Variants in LAMA1 observed in about 807,000 individuals in gnomAD.
LAMA1 encodes the protein laminin subunit alpha 1.
LAMA1 carries 219 observed loss-of-function variants against 348.7 expected under a neutral mutation model. That is an observed-to-expected ratio of 0.63 (90% CI 0.56 to 0.70). The LOEUF is 0.70. LAMA1 is among the 30% of genes least tolerant of loss of function. The pLI is 0.00. For missense variants in LAMA1, 3,744 were observed against 3,888.0 expected (o/e 0.96, Z 0.99); for synonymous variants, 1,487 against 1,491.0 (o/e 1.00, Z 0.06).
chr18:7,109,123 T>C (rs559347127), intron 1 of LAMA1, among the ~76,000 whole-genome samples: 1 of 152,272 alleles, frequency 6.6e-6, no homozygotes, highest in Non-Finnish European at 1.5e-5. Context: ...TGCAATCCAT[T>C]TGATTGGATG....
At chr18:7,073,760 G>A (rs2058155390) in intron 3 of LAMA1, among the ~76,000 whole-genome samples, 1 of 151,958 alleles carries the variant, frequency 6.6e-6, no homozygotes, top group Non-Finnish European at 1.5e-5. Flanking sequence ...ATTCTTTACG[G>A]CATTCCCTAG....
intron 11 of LAMA1, chr18:7,038,429 C>A: frequency 2.8e-6 from 1 of 357,016 alleles, no homozygotes; most frequent in Non-Finnish European, 5.4e-6. Flanking sequence ...GCCTCCTACT[C>A]CTTAGCGTCT....
In LAMA1 at chr18:6,986,167, GAGC is replaced by G. The variant is rs778085339; in HGVS notation, c.5346_5348del (p.Leu1783del). 1.2e-6 allele frequency: 2 copies of G among 1,614,230 alleles called. No homozygotes were observed. Among genetic ancestry groups the G allele is most frequent in the South Asian group, 1.1e-5 (1 of 91,080 alleles). ...ATTCTCTCAGATTAGCATTGACCAT[GAGC>G]AGCAGGTGGTTGCTTTCCTGCATCT... is the stretch of plus-strand genomic sequence containing the variant. On this transcript the variant is annotated inframe_deletion, in exon 37 of 63. Transcript: ENST00000389658.
At chr18:7,110,386 C>A (rs536722840) in intron 1 of LAMA1, among the ~76,000 whole-genome samples, 1 of 152,132 alleles carries the variant, frequency 6.6e-6, no homozygotes, top group East Asian at 1.9e-4. Flanking sequence ...CCTAGGTAAC[C>A]AAAAGAATGC....
Position 6,992,485 on chromosome 18 carries a change from C to A in LAMA1, c.5168+76G>T, listed in dbSNP as rs2057763007. The A allele has an allele frequency of 4.6e-6, 7 of 1,513,500 alleles. No individual in the cohort carries two copies. The African/African-American group carries it at 9.6e-5, about 21-fold the overall frequency. 93.8% of individuals were successfully genotyped at this position (1,513,500 alleles called of 1,614,324 possible). On this transcript the variant is annotated intron_variant, in intron 36 of 62. Coordinates refer to ENST00000389658, the MANE Select transcript of LAMA1 (RefSeq NM_005559.4). ...AGTGAGCACTTTTCTTCCACGATGC[C>A]TCCTTCTCCTTTGGAGATAGCGTGC...
intron 61 of LAMA1, 49 bp from the exon 62 acceptor site, chr18:6,943,451 C>A: frequency 7.0e-7 from 1 of 1,435,428 alleles, no homozygotes; most frequent in South Asian, 1.1e-5. Flanking sequence ...GGAACACAGT[C>A]CATTTGTATA....
rs2057679815 is a variant in LAMA1, at chr18:6,975,943, G to A, written c.6483C>T (p.Ser2161=). Residue 2161 remains serine, a synonymous_variant, in exon 45 of 63, where the codon AGC becomes AGT. Coordinates refer to ENST00000389658, the MANE Select transcript of LAMA1 (RefSeq NM_005559.4). ...PDNLLFYLGS[S]TASDFLAVEM... ...CCAAAGGTCCATAACTTACAGCGGT[G>A]CTGCTACCGAGGTAGAAGAGAAGAT... 3 of 1,614,062 alleles carry A rather than the reference G, an allele frequency of 1.9e-6. No individual in the cohort carries two copies. The East Asian group carries it at 6.7e-5, about 36-fold the overall frequency.
In LAMA1 at chr18:7,097,148, C is replaced by T. The variant is rs183900256; in HGVS notation, c.62-16691G>A. ...TTAGTCCCAGTAGGGTGCATGCAAC[C>T]GATAGCTGGACCAGCCAAAATTGTA... On this transcript the variant is annotated intron_variant, in intron 1 of 62. Coordinates refer to ENST00000389658, the MANE Select transcript of LAMA1 (RefSeq NM_005559.4). Among the ~76,000 whole-genome samples the T allele has an allele frequency of 8.6e-4, 131 of 152,102 alleles. 1 individual carries two copies. The highest frequency in any genetic ancestry group is 3.1e-3 in the African/African-American group (127 of 41,484).
chr18:7,102,643 C>T (rs78886392), intron 1 of LAMA1, among the ~76,000 whole-genome samples: 1 of 152,044 alleles, frequency 6.6e-6, no homozygotes, highest in East Asian at 1.9e-4. Flanking sequence ...AAACAGAAAC[C>T]GCTCCCAAAT....
In LAMA1 at chr18:7,038,897, CAA is replaced by C; in HGVS notation, c.1474_1475del (p.Leu492GlufsTer18). 1 of 1,614,058 alleles carries C rather than the reference CAA, an allele frequency of 6.2e-7. No homozygotes were observed. Among genetic ancestry groups the C allele is most frequent in the Non-Finnish European group, 8.5e-7 (1 of 1,179,930 alleles). ...CDRCKPGFYN[L>X]KEKNPRGCSE... is the part of the protein sequence containing the mutation. ...AGCAGCCCCGGGGGTTTTTTTCCTT[CAA>C]GTTATAGAATCCTGGCTTGCAGCGA... is the stretch of plus-strand genomic sequence containing the variant. On this transcript the variant is annotated frameshift_variant, in exon 11 of 63. Coordinates refer to ENST00000389658, the MANE Select transcript of LAMA1 (RefSeq NM_005559.4). LOFTEE classifies it high-confidence loss of function.
chr18:6,950,861 A>G lies in LAMA1; in HGVS notation c.8318T>C (p.Leu2773Pro), dbSNP rs1452487327. Residue 2773 changes from leucine (L) to proline (P), a missense_variant, in exon 58 of 63, where the codon CTC becomes CCC. Leu to Pro is a moderately conservative substitution (Grantham distance 98). Coordinates refer to ENST00000389658, the MANE Select transcript of LAMA1 (RefSeq NM_005559.4). Reference sequence around the variant, plus strand: ...TTTGCCAAGGTCAAACATGAAGTGGAGGCGGCCCCCGTGCAGCTGGAGCAC... The same window carrying G: ...TTTGCCAAGGTCAAACATGAAGTGGGGGCGGCCCCCGTGCAGCTGGAGCAC... ...YAVLQLHGGR[L>P]HFMFDLGKGR... 12 of 1,614,028 alleles carry G rather than the reference A, an allele frequency of 7.4e-6. No individual in the cohort carries two copies. The East Asian group carries it at 2.7e-4, about 36-fold the overall frequency.
intron 3 of LAMA1, among the ~76,000 whole-genome samples, chr18:7,069,890 G>T (rs1480364464): frequency 6.6e-6 from 1 of 151,540 alleles, no homozygotes; most frequent in African/African-American, 2.4e-5. Flanking sequence ...TACCCACTCA[G>T]GCCTTTCCTA....
chr18:7,003,469 A>T (rs900294221), intron 29 of LAMA1, among the ~76,000 whole-genome samples: 3 of 152,166 alleles, frequency 2.0e-5, no homozygotes, highest in African/African-American at 7.2e-5. Flanking sequence ...TGTGTTAGCC[A>T]GGATGGTCTC....
At chr18:7,026,934 T>C (rs2057946327) in intron 16 of LAMA1, among the ~76,000 whole-genome samples, 1 of 149,338 alleles carries the variant, frequency 6.7e-6, no homozygotes, top group Non-Finnish European at 1.5e-5. Context: ...ATGGAGCTTG[T>C]AGTCAGCTGA....
intron 1 of LAMA1, among the ~76,000 whole-genome samples, chr18:7,098,006 C>CT (rs1435693761): frequency 1.3e-5 from 2 of 149,950 alleles, no homozygotes; most frequent in African/African-American, 2.4e-5. Flanking sequence ...ATTGCAGGCT[C>CT]GCGCCGCCAC....
intron 1 of LAMA1, among the ~76,000 whole-genome samples, chr18:7,098,557 G>A (rs1413544528): frequency 1.3e-5 from 2 of 151,518 alleles, no homozygotes; most frequent in African/African-American, 4.9e-5. Context: ...TCTGGGAGGT[G>A]AGGAGCATCT....
intron 19 of LAMA1, among the ~76,000 whole-genome samples, chr18:7,018,609 A>T (rs1206829677): frequency 6.6e-6 from 1 of 151,784 alleles, no homozygotes; most frequent in African/African-American, 2.4e-5. Context: ...GTTAGCCAGG[A>T]TGGTCTCGAT....
In LAMA1 at chr18:6,952,010, G is replaced by C. The variant is rs79522440; in HGVS notation, c.8208-1039C>G. 7.0e-3 allele frequency among the ~76,000 whole-genome samples: 1,068 copies of C among 152,310 alleles called. 5 individuals are homozygous for C. The highest frequency in any genetic ancestry group is 9.4e-3 in the Non-Finnish European group (641 of 68,038). On this transcript the variant is annotated intron_variant, in intron 57 of 62. Coordinates refer to ENST00000389658, the MANE Select transcript of LAMA1 (RefSeq NM_005559.4). ...GAGATGTTGAGTGGCTGAGGAACCT[G>C]TCCCAGTCCACATGCAGATCTCGAG...
intron 1 of LAMA1, among the ~76,000 whole-genome samples, chr18:7,082,923 C>G (rs1245923540): frequency 7.0e-6 from 1 of 142,514 alleles, no homozygotes; most frequent in African/African-American, 3.1e-5. Context: ...TGCAGGACAT[C>G]AAAAGAACTC....
Sources: allele counts gnomAD v4.1 joint callset (sites outside exome capture counted in the v4.1 genomes callset), GRCh38; gene constraint gnomAD v4.1.1; transcripts MANE v1.5; gene names NCBI Gene and HGNC (gene_info 2026-07-23, HGNC 2026-07-21).